Variants in CYTH1 observed in about 807,000 individuals in gnomAD.
The protein encoded by CYTH1 is cytohesin-1.
In CYTH1, 18 loss-of-function variants were observed where a neutral mutation model predicts 61.8. The ratio of observed to expected loss-of-function variants is 0.29; its 90% CI spans 0.20 to 0.43. The LOEUF is 0.43. CYTH1 is among the 20% of genes least tolerant of loss of function. The pLI is 1.00. For synonymous variants in CYTH1, 174 were observed against 184.3 expected, an observed-to-expected ratio of 0.94 and a Z score of 0.45; for missense variants, 336 against 510.5, an observed-to-expected ratio of 0.66 and a Z score of 3.29.
At chr17:78,733,206 T>C (rs780255338) in intron 1 of CYTH1, among the ~76,000 whole-genome samples, 5 of 152,150 alleles carry the variant, frequency 3.3e-5, no homozygotes, top group Non-Finnish European at 7.4e-5. Context: ...ATTTGGCATA[T>C]TTTCCTACAA....
chr17:78,761,631 G>A (rs2093429115), intron 1 of CYTH1, among the ~76,000 whole-genome samples: 5 of 152,124 alleles, frequency 3.3e-5, no homozygotes, highest in South Asian at 4.1e-4. Flanking sequence ...CCAGCTACTT[G>A]GGAGGCTGAG....
chr17:78,752,835 A>G (rs572869379), intron 1 of CYTH1, among the ~76,000 whole-genome samples: 9 of 152,214 alleles, frequency 5.9e-5, no homozygotes, highest in Non-Finnish European at 1.0e-4. Context: ...ATTAAATACG[A>G]TACTGAAAAT....
rs187808888 is a variant in CYTH1, at chr17:78,713,517, G to A, written c.23-3785C>T. Reference sequence around the variant, plus strand: ...CCAAGGTCCATATAATGAAGCTGATGAAAAACAGAGCAATCGTATAAAAGA... The same window carrying A: ...CCAAGGTCCATATAATGAAGCTGATAAAAAACAGAGCAATCGTATAAAAGA... On this transcript the variant is annotated intron_variant, in intron 1 of 13. Transcript: ENST00000446868. Among the ~76,000 whole-genome samples the A allele has an allele frequency of 4.9e-3, 742 of 152,300 alleles. 8 individuals are homozygous for A. Among genetic ancestry groups the A allele is most frequent in the Middle Eastern group, 6.8e-3 (2 of 294 alleles).
At chr17:78,768,065 T>A (rs1489015489) in intron 1 of CYTH1, among the ~76,000 whole-genome samples, 1 of 152,170 alleles carries the variant, frequency 6.6e-6, no homozygotes, top group African/African-American at 2.4e-5. Context: ...TATGAATGTT[T>A]TCATTCAAGA....
At chr17:78,772,651 C>T (rs971123237) in intron 1 of CYTH1, among the ~76,000 whole-genome samples, 14 of 146,822 alleles carry the variant, frequency 9.5e-5, no homozygotes, top group Non-Finnish European at 1.2e-4. Context: ...AATTCTCCTG[C>T]CTTAGCCTCC....
At chr17:78,692,719 C>T (rs2092900925) in intron 10 of CYTH1, among the ~76,000 whole-genome samples, 1 of 151,908 alleles carries the variant, frequency 6.6e-6, no homozygotes. Flanking sequence ...ATCTAGGTGA[C>T]ACCCGGAGAT....
rs2093189059 is a variant in CYTH1 at position 78,717,253 on chromosome 17, C to T, written c.23-7521G>A. Among the ~76,000 whole-genome samples, 1 of 152,176 alleles carries T rather than the reference C, an allele frequency of 6.6e-6. No homozygotes were observed. Among genetic ancestry groups the T allele is most frequent in the South Asian group, 2.1e-4 (1 of 4,828 alleles). Reference sequence around the variant, plus strand: ...CCAGAGGGGGAGCCGCCCTGACACACCACCCGGTCGCTCGCCCTCCTCGCC... The same window carrying T: ...CCAGAGGGGGAGCCGCCCTGACACATCACCCGGTCGCTCGCCCTCCTCGCC... On this transcript the variant is annotated intron_variant, in intron 1 of 13. Coordinates refer to ENST00000446868, the MANE Select transcript of CYTH1 (RefSeq NM_004762.6). The surrounding 1 kb of genome is among the most constrained non-coding windows in gnomAD (Gnocchi z 4.4).
At position 78,698,805 on chromosome 17, in the gene CYTH1, T is replaced by C. The variant is rs1174298720; in HGVS notation, c.699+15A>G. 6.4e-7 allele frequency: 1 copy of C among 1,559,768 alleles called. No homozygotes were observed. The highest frequency in any genetic ancestry group is 8.6e-7 in the Non-Finnish European group (1 of 1,162,380). ...TCTTTCTTGACTTGAATGAAGACCA[T>C]TCTTCCTTGCTTACCCGGAGGAGCT... is the stretch of plus-strand genomic sequence containing the variant. On this transcript the variant is annotated intron_variant, in intron 8 of 13. Transcript: ENST00000446868.
At chr17:78,721,825 C>T (rs1031101597) in intron 1 of CYTH1, among the ~76,000 whole-genome samples, 1 of 152,170 alleles carries the variant, frequency 6.6e-6, no homozygotes, top group Non-Finnish European at 1.5e-5. Flanking sequence ...TCGTGGATCA[C>T]TTGAGGTAAG....
intron 11 of CYTH1, among the ~76,000 whole-genome samples, chr17:78,682,391 C>G (rs992653043): frequency 1.3e-5 from 2 of 152,186 alleles, no homozygotes; most frequent in African/African-American, 4.8e-5. Flanking sequence ...AGTAATCCTT[C>G]CTGGAGCCTC....
At chr17:78,726,819 T>C (rs566755359) in intron 1 of CYTH1, among the ~76,000 whole-genome samples, 24 of 152,276 alleles carry the variant, frequency 1.6e-4, no homozygotes, top group African/African-American at 5.3e-4. Context: ...GAAAAGGGAC[T>C]GGAAGCTTTG....
chr17:78,727,734 T>G (rs918090701), intron 1 of CYTH1: 1 of 471,016 alleles, frequency 2.1e-6, no homozygotes, highest in South Asian at 1.5e-5. Flanking sequence ...CAACTCAGTG[T>G]GTTAGGAGGG....
rs142342011 is a variant in CYTH1, at chr17:78,726,662, G to C, written c.23-16930C>G. Among the ~76,000 whole-genome samples the C allele has an allele frequency of 3.4e-3, 524 of 152,236 alleles. 3 individuals carry two copies. The highest frequency in any genetic ancestry group is 0.012 in the African/African-American group (479 of 41,548). On this transcript the variant is annotated intron_variant, in intron 1 of 13. Coordinates refer to ENST00000446868, the MANE Select transcript of CYTH1 (RefSeq NM_004762.6). ...GGTGGAAAGGGCAACACAAGGGACAGAGTCTGGAAGAGCAAGCTCCAGGCA... is the reference window on the plus strand; with the variant it reads ...GGTGGAAAGGGCAACACAAGGGACACAGTCTGGAAGAGCAAGCTCCAGGCA...
intron 1 of CYTH1, among the ~76,000 whole-genome samples, chr17:78,778,442 A>C (rs1315550215): frequency 1.3e-5 from 2 of 151,876 alleles, no homozygotes. Context: ...GTTTAAGACC[A>C]GCCTGGCCAA....
At chr17:78,777,046 A>G (rs1219612831) in intron 1 of CYTH1, among the ~76,000 whole-genome samples, 7 of 151,490 alleles carry the variant, frequency 4.6e-5, no homozygotes, top group African/African-American at 1.2e-4. Flanking sequence ...AATTGCTTGA[A>G]TCTGGGAGGC....
intron 11 of CYTH1, among the ~76,000 whole-genome samples, chr17:78,690,750 C>T (rs2092876788): frequency 6.6e-6 from 1 of 152,028 alleles, no homozygotes; most frequent in African/African-American, 2.4e-5. Context: ...TAAAATGCTA[C>T]ACTTTGCTGA....
chr17:78,756,328 G>A (rs905949969), intron 1 of CYTH1, among the ~76,000 whole-genome samples: 10 of 151,922 alleles, frequency 6.6e-5, no homozygotes, highest in Non-Finnish European at 1.3e-4. Context: ...CACTCGCCTC[G>A]GCCTCTCGAA....
At chr17:78,769,789 G>C (rs1476777454) in intron 1 of CYTH1, among the ~76,000 whole-genome samples, 10 of 152,184 alleles carry the variant, frequency 6.6e-5, no homozygotes, top group Admixed American at 6.5e-4. Flanking sequence ...GGCCGAGGCA[G>C]GTGGATCCCC....
At chr17:78,763,017 G>A (rs111982864) in intron 1 of CYTH1, among the ~76,000 whole-genome samples, 39 of 152,220 alleles carry the variant, frequency 2.6e-4, no homozygotes, top group African/African-American at 8.4e-4. Context: ...GGAAATGTCC[G>A]TCCGGCTGCT....
Sources: gnomAD v4.1 joint callset for allele counts (sites outside exome capture counted in the v4.1 genomes callset) on GRCh38, gnomAD v4.1.1 for gene constraint, Gnocchi (gnomAD v3.1) non-coding constraint, MANE v1.5 for transcripts, NCBI Gene and HGNC (gene_info 2026-07-23, HGNC 2026-07-21) for gene names.